Variants in RGS8 observed in about 807,000 individuals in gnomAD.
RGS8 encodes the protein regulator of G protein signaling 8.
Under a neutral mutation model 21.7 loss-of-function variants are expected in RGS8, and 8 were observed. The observed-to-expected ratio is 0.37, with a 90% CI of 0.22 to 0.66. The LOEUF (loss-of-function observed/expected upper bound fraction) is 0.66. Among genes scored for constraint, RGS8 ranks in the 30% least tolerant of loss-of-function variants. RGS8 has a pLI of 0.59. For synonymous variants in RGS8, 80 were observed against 83.6 expected (o/e 0.96, Z 0.24); for missense variants, 157 against 217.9 (o/e 0.72, Z 1.76).
chr1:182,751,093 G>T, the RGS8 span, among the ~76,000 whole-genome samples: 1 of 152,216 alleles, frequency 6.6e-6, no homozygotes, highest in East Asian at 1.9e-4. Flanking sequence ...GGAACAAGTA[G>T]TTAAGGTGGG....
the RGS8 span, among the ~76,000 whole-genome samples, chr1:182,700,092 CAA>C: frequency 2.0e-5 from 3 of 152,166 alleles, no homozygotes; most frequent in African/African-American, 4.8e-5. Context: ...GAGTGCATAA[CAA>C]TGCGCCCCAG....
At chr1:182,662,236 A>G (rs1461407385) in intron 5 of RGS8, among the ~76,000 whole-genome samples, 2 of 152,190 alleles carry the variant, frequency 1.3e-5, no homozygotes, top group Non-Finnish European at 2.9e-5. Flanking sequence ...GCTTTTTAAC[A>G]CAGGCACCAT....
the RGS8 span, among the ~76,000 whole-genome samples, chr1:182,730,269 A>G: frequency 2.0e-5 from 3 of 152,196 alleles, no homozygotes; most frequent in Non-Finnish European, 4.4e-5. Flanking sequence ...TATCTCTCCT[A>G]GGGAGATTTA....
chr1:182,728,926 C>CA, the RGS8 span, among the ~76,000 whole-genome samples: 2 of 152,180 alleles, frequency 1.3e-5, no homozygotes, highest in African/African-American at 4.8e-5. Flanking sequence ...ACAGGTGCAG[C>CA]AAACCACCAT....
At chr1:182,686,791 CACCCAAGG>C (rs1571362913), upstream of RGS8, among the ~76,000 whole-genome samples, 2 of 152,174 alleles carry the variant, frequency 1.3e-5, no homozygotes, top group East Asian at 3.9e-4. Flanking sequence ...TAAATGGAAT[CACCCAAGG>C]ACAGCAAGAG....
intron 5 of RGS8, among the ~76,000 whole-genome samples, chr1:182,654,343 C>A (rs1458290473): frequency 1.3e-5 from 2 of 152,118 alleles, no homozygotes; most frequent in East Asian, 1.9e-4. Context: ...GAAAGAACTT[C>A]TTTTCCTTAA....
chr1:182,681,825 C>T (rs1664544623), intron 1 of RGS8, among the ~76,000 whole-genome samples: 1 of 152,298 alleles, frequency 6.6e-6, no homozygotes, highest in South Asian at 2.1e-4. Flanking sequence ...GAGACAAGGC[C>T]CTGGGAGGAA....
the RGS8 span, among the ~76,000 whole-genome samples, chr1:182,702,371 A>C: frequency 3.3e-5 from 5 of 152,318 alleles, no homozygotes; most frequent in Non-Finnish European, 5.9e-5. Flanking sequence ...AACAATCGAA[A>C]AGATGACTAG....
chr1:182,649,708 A>C (rs1211870882), intron 5 of RGS8, among the ~76,000 whole-genome samples: 3 of 152,184 alleles, frequency 2.0e-5, no homozygotes, highest in Non-Finnish European at 4.4e-5. Context: ...TTTATTTAAA[A>C]ATATTTTTTA....
At chr1:182,690,563 A>AT in the RGS8 span, among the ~76,000 whole-genome samples, 1 of 152,240 alleles carries the variant, frequency 6.6e-6, no homozygotes, top group Non-Finnish European at 1.5e-5. Flanking sequence ...TTTTTGTTAA[A>AT]TGACAGGGCT....
intron 5 of RGS8, among the ~76,000 whole-genome samples, chr1:182,662,950 T>A (rs1373005043): frequency 6.8e-6 from 1 of 146,012 alleles, no homozygotes; most frequent in African/African-American, 2.8e-5. Flanking sequence ...AGATTGAGAA[T>A]GGGGAGGGGG....
chr1:182,744,607 T>A, the RGS8 span, among the ~76,000 whole-genome samples: 1 of 152,230 alleles, frequency 6.6e-6, no homozygotes, highest in Non-Finnish European at 1.5e-5. Flanking sequence ...TTTAGTTGTG[T>A]GTAGAGACAA....
the RGS8 span, among the ~76,000 whole-genome samples, chr1:182,705,454 A>G: frequency 2.0e-5 from 3 of 152,346 alleles, no homozygotes; most frequent in African/African-American, 7.2e-5. Context: ...CCCCACAGTC[A>G]CACTCAGAAG....
the RGS8 span, among the ~76,000 whole-genome samples, chr1:182,747,101 A>G: frequency 1.2e-3 from 97 of 83,356 alleles, 1 homozygote; most frequent in African/African-American, 4.4e-3. Context: ...AGATCTCGTT[A>G]TATTGCCCAG....
intron 5 of RGS8, among the ~76,000 whole-genome samples, chr1:182,657,783 A>G (rs1663359799): frequency 6.6e-6 from 1 of 152,232 alleles, no homozygotes; most frequent in Admixed American, 6.5e-5. Flanking sequence ...AACAACATGC[A>G]GGCCTGACAC....
rs182864650 is a variant in RGS8, at chr1:182,666,610, T to C, written c.128+262A>G. On this transcript the variant is annotated intron_variant, in intron 4 of 6. Transcript: ENST00000483095. ...CTAAGTAGAACCAAGAAGTATCCTT[T>C]GCCACCCACAGTTTTATGAGAGATG... is the stretch of plus-strand genomic sequence containing the variant. Among the ~76,000 whole-genome samples, 248 of 151,884 alleles carry C rather than the reference T, an allele frequency of 1.6e-3. 2 individuals are homozygous for C. The highest frequency in any genetic ancestry group is 5.4e-3 in the Admixed American group (83 of 15,264).
the RGS8 span, among the ~76,000 whole-genome samples, chr1:182,732,282 C>CACACACACACACACAT: frequency 3.3e-5 from 5 of 150,514 alleles, no homozygotes; most frequent in African/African-American, 1.2e-4. Flanking sequence ...TACACACACA[C>CACACACACACACACAT]ACACACACAC....
At chr1:182,742,349 G>A in the RGS8 span, among the ~76,000 whole-genome samples, 1 of 152,028 alleles carries the variant, frequency 6.6e-6, no homozygotes, top group East Asian at 1.9e-4. Flanking sequence ...CGGCCGGGCA[G>A]AGGCTGCAAT....
At chr1:182,697,316 G>C in the RGS8 span, among the ~76,000 whole-genome samples, 1 of 152,140 alleles carries the variant, frequency 6.6e-6, no homozygotes, top group Non-Finnish European at 1.5e-5. Context: ...ATCAGACCTG[G>C]CTCATGTCTC....
Sources: allele counts gnomAD v4.1 joint callset (sites outside exome capture counted in the v4.1 genomes callset), GRCh38; gene constraint gnomAD v4.1.1; transcripts MANE v1.5; gene names NCBI Gene and HGNC (gene_info 2026-07-23, HGNC 2026-07-21).